NALCN: variants seen among roughly 807,000 people sequenced by gnomAD.
NALCN encodes the protein sodium leak channel, non-selective.
Under a neutral mutation model 225.3 loss-of-function variants are expected in NALCN, and 111 were observed. The observed-to-expected ratio is 0.49, with a 90% CI of 0.42 to 0.58. The LOEUF (loss-of-function observed/expected upper bound fraction) is 0.58, where lower values mean the gene tolerates loss of function less well. NALCN is among the 20% of genes least tolerant of loss of function. The pLI is 0.00. For synonymous variants in NALCN, 764 were observed against 769.0 expected (o/e 0.99, Z 0.11); for missense variants, 1,378 against 2,202.4 (o/e 0.63, Z 7.49).
chr13:101,148,758 T>G (rs75802185), intron 15 of NALCN, among the ~76,000 whole-genome samples: 3,636 of 152,202 alleles, frequency 0.024, 158 homozygotes, highest in African/African-American at 0.084. Flanking sequence ...GTGGCGGAAC[T>G]CAACTCTAAG....
intron 6 of NALCN, among the ~76,000 whole-genome samples, chr13:101,349,539 G>T (rs1431551399): frequency 1.3e-5 from 2 of 152,152 alleles, no homozygotes. Context: ...AGTGATCATG[G>T]CTGTGGTTGG....
Position 101,083,952 on chromosome 13 carries a change from C to G in NALCN, c.3490-148G>C, listed in dbSNP as rs16958301. ...ACCGTGGTGGTGAGAGAAACATGGT[C>G]AGAATGCTCAAAGTTGGTCTCGGGA... On this transcript the variant is annotated intron_variant, in intron 30 of 43. Transcript: ENST00000251127. The G allele has an allele frequency of 2.1e-3, 1,398 of 656,654 alleles. 18 individuals are homozygous for G. The African/African-American group carries it at 0.023, about 11-fold the overall frequency. The allele number at this position is 656,654 out of a possible 1,614,324, so 40.7% of individuals were successfully genotyped here.
At chr13:101,271,510 T>A (rs1324945438) in intron 10 of NALCN, among the ~76,000 whole-genome samples, 1 of 152,092 alleles carries the variant, frequency 6.6e-6, no homozygotes, top group Admixed American at 6.6e-5. Flanking sequence ...AATTACTGCA[T>A]AACCATTTTT....
At chr13:101,149,797 T>G (rs1452112) in intron 15 of NALCN, among the ~76,000 whole-genome samples, 115,826 of 152,180 alleles carry the variant, frequency 0.76, 44,411 homozygotes, top group East Asian at 1. Context: ...AAGCAAGGAC[T>G]TGTTCTTCTG....
intron 1 of NALCN, among the ~76,000 whole-genome samples, chr13:101,413,467 G>A (rs1305060397): frequency 1.3e-5 from 2 of 152,088 alleles, no homozygotes; most frequent in East Asian, 3.9e-4. Context: ...ATATGAGGCT[G>A]TATTTACTGG....
chr13:101,273,863 C>T (rs1451795971), intron 10 of NALCN, among the ~76,000 whole-genome samples: 7 of 130,106 alleles, frequency 5.4e-5, no homozygotes, highest in East Asian at 2.2e-4. Context: ...CCAGCCTGGG[C>T]GACAGAGCAA....
chr13:101,235,641 T>C (rs9513872), intron 12 of NALCN, among the ~76,000 whole-genome samples: 95,204 of 152,048 alleles, frequency 0.63, 30,389 homozygotes, highest in East Asian at 0.95. Flanking sequence ...TTATGATAGC[T>C]AAGCTTCAGG....
intron 18 of NALCN, among the ~76,000 whole-genome samples, chr13:101,112,541 A>G (rs555095370): frequency 3.0e-4 from 45 of 152,316 alleles, no homozygotes; most frequent in African/African-American, 8.9e-4. Flanking sequence ...CAGAAGTTAC[A>G]CTGTTATGAA....
chr13:101,208,589 T>C (rs2040409917), intron 13 of NALCN, among the ~76,000 whole-genome samples: 1 of 152,218 alleles, frequency 6.6e-6, no homozygotes, highest in Non-Finnish European at 1.5e-5. Context: ...GTGTGTCCTT[T>C]CCAAATCCCA....
rs113797220 is a variant in NALCN, at chr13:101,395,050, T to G, written c.291+133A>C. 1.7e-5 allele frequency: 14 copies of G among 830,888 alleles called. No homozygotes were observed. In the African/African-American group the frequency reaches 1.9e-4, roughly 11 times the overall value. 51.5% of individuals were successfully genotyped at this position (830,888 alleles called of 1,614,324 possible). On this transcript the variant is annotated intron_variant, in intron 3 of 43. Transcript: ENST00000251127. ...TCCCAGTCTCTGGAGTTATGCCTTT[T>G]TAAAAAGGACTTCCATATGTATAAG...
intron 10 of NALCN, among the ~76,000 whole-genome samples, chr13:101,279,660 C>G (rs2043082859): frequency 1.4e-5 from 2 of 145,220 alleles, no homozygotes; most frequent in Middle Eastern, 3.4e-3. Flanking sequence ...ACTAAAAATA[C>G]AAAAAAATTA....
Position 101,064,222 on chromosome 13 carries a change from T to C in NALCN, c.4604+1182A>G, listed in dbSNP as rs183663233. On this transcript the variant is annotated intron_variant, in intron 40 of 43. Coordinates refer to ENST00000251127, the MANE Select transcript of NALCN (RefSeq NM_052867.4). ...AAGACATGGATATTGCTAATGCGAC[T>C]GTGGTTTGTTGCCTACGTTCATCAT... Among the ~76,000 whole-genome samples, 448 of 152,314 alleles carry C rather than the reference T, an allele frequency of 2.9e-3. 2 individuals are homozygous for C. Among genetic ancestry groups the C allele is most frequent in the African/African-American group, 9.8e-3 (409 of 41,572 alleles).
At chr13:101,080,780 A>C (rs1458048070) in intron 34 of NALCN, among the ~76,000 whole-genome samples, 2 of 149,284 alleles carry the variant, frequency 1.3e-5, no homozygotes, top group African/African-American at 4.9e-5. Context: ...TTATTTAATA[A>C]TTATTAACAA....
chr13:101,385,197 G>A (rs2139448770), intron 3 of NALCN, among the ~76,000 whole-genome samples: 1 of 152,202 alleles, frequency 6.6e-6, no homozygotes, highest in South Asian at 2.1e-4. Flanking sequence ...AGCTCGGCAT[G>A]TACCTTGCTG....
At chr13:101,067,654 T>C (rs1358217338) in intron 39 of NALCN, among the ~76,000 whole-genome samples, 1 of 152,208 alleles carries the variant, frequency 6.6e-6, no homozygotes, top group Non-Finnish European at 1.5e-5. Flanking sequence ...GGCTGATTCC[T>C]ACAGAGTCCC....
chr13:101,251,811 G>A (rs1443186429), intron 11 of NALCN, among the ~76,000 whole-genome samples: 3 of 152,056 alleles, frequency 2.0e-5, no homozygotes, highest in Non-Finnish European at 4.4e-5. Context: ...TCAATAATCT[G>A]TTTTAGAAAC....
At chr13:101,304,893 C>T (rs1476000123) in intron 7 of NALCN, among the ~76,000 whole-genome samples, 1 of 151,200 alleles carries the variant, frequency 6.6e-6, no homozygotes, top group Non-Finnish European at 1.5e-5. Context: ...GTAGCTGCGA[C>T]TACAGGTCCC....
intron 6 of NALCN, among the ~76,000 whole-genome samples, chr13:101,362,216 T>C (rs1003579843): frequency 2.6e-5 from 4 of 151,992 alleles, no homozygotes; most frequent in Admixed American, 2.0e-4. Context: ...ATGAAAACTT[T>C]AATGTAGAAA....
rs781010223 is a variant in NALCN, at chr13:101,055,435, T to C, written c.5077A>G (p.Arg1693Gly). The change falls in exon 44 of 44, where the codon AGG becomes GGG. Residue 1693 changes from arginine to glycine, a missense_variant. Arg to Gly is a moderately radical substitution (Grantham distance 125). This residue lies in a region of NALCN where 145 missense variants were observed against 169.6 expected (regional missense o/e 0.85). Coordinates refer to ENST00000251127, the MANE Select transcript of NALCN (RefSeq NM_052867.4). ...CACACGACAGATTTCATGGTTGTCC[T>C]TCCTCCAAACCGTAAGTTGACTGAG... ...VSSVNLRFGG[R>G]TTMKSVVCKM... is the part of the protein sequence containing the mutation. 1 of 1,614,160 alleles carries C rather than the reference T, an allele frequency of 6.2e-7. No homozygotes were observed. Among genetic ancestry groups the C allele is most frequent in the South Asian group, 1.1e-5 (1 of 91,086 alleles).
Sources: gnomAD v4.1 joint callset for allele counts (sites outside exome capture counted in the v4.1 genomes callset) on GRCh38, gnomAD v4.1.1 for gene constraint, gnomAD v4.1.1 regional missense constraint, MANE v1.5 for transcripts, NCBI Gene and HGNC (gene_info 2026-07-23, HGNC 2026-07-21) for gene names.